The following GALNT14 variants were observed in gnomAD, a reference collection of about 807,000 sequenced individuals.
GALNT14 encodes polypeptide N-acetylgalactosaminyltransferase 14.
A neutral mutation model predicts 77.5 loss-of-function variants in GALNT14; 60 were observed. The ratio of observed to expected loss-of-function variants is 0.77; its 90% confidence interval spans 0.63 to 0.96. The LOEUF is 0.96. GALNT14 is among the 40% of genes least tolerant of loss of function. The pLI is 0.00. For synonymous variants in GALNT14, 280 were observed against 281.7 expected, an observed-to-expected ratio of 0.99 and a Z score of 0.06; for missense variants, 710 against 731.0, an observed-to-expected ratio of 0.97 and a Z score of 0.33.
At chr2:30,910,379 G>A (rs1664284619), downstream of GALNT14, 2 of 152,372 alleles carry the variant, frequency 1.3e-5, no homozygotes, top group Admixed American at 6.5e-5. Flanking sequence ...TGTCCACTCT[G>A]CCACAGGTGC....
At chr2:30,953,385 T>C (rs560475413) in intron 6 of GALNT14, among the ~76,000 whole-genome samples, 28 of 149,356 alleles carry the variant, frequency 1.9e-4, no homozygotes, top group African/African-American at 6.4e-4. Context: ...CTCGATTCAC[T>C]GCAACCACTG....
chr2:30,927,344 G>A (rs1239915542), intron 11 of GALNT14, among the ~76,000 whole-genome samples: 1 of 152,328 alleles, frequency 6.6e-6, no homozygotes, highest in Non-Finnish European at 1.5e-5. Context: ...TGGCACTCAA[G>A]CAGGCAGCAT....
intron 2 of GALNT14, among the ~76,000 whole-genome samples, chr2:30,977,795 C>T (rs1668727560): frequency 6.6e-6 from 1 of 152,160 alleles, no homozygotes; most frequent in Non-Finnish European, 1.5e-5. Context: ...CCCATACCTT[C>T]CTGCACCTTC....
chr2:30,955,290 C>T (rs1255922034), intron 6 of GALNT14, among the ~76,000 whole-genome samples: 1 of 152,190 alleles, frequency 6.6e-6, no homozygotes, highest in Non-Finnish European at 1.5e-5. Context: ...ATTCTGGAAC[C>T]TTCTGCTCTC....
At chr2:31,017,048 G>T (rs374555340) in intron 1 of GALNT14, among the ~76,000 whole-genome samples, 2 of 152,320 alleles carry the variant, frequency 1.3e-5, no homozygotes, top group East Asian at 3.9e-4. Flanking sequence ...TTAAGCAAGG[G>T]TCTCAAAGCT....
chr2:31,038,291 G>C (rs11682270), intron 1 of GALNT14, among the ~76,000 whole-genome samples: 2 of 150,936 alleles, frequency 1.3e-5, no homozygotes, highest in Non-Finnish European at 3.0e-5. Context: ...ACAGGGTTTC[G>C]CAATGTTGGC....
intron 1 of GALNT14, among the ~76,000 whole-genome samples, chr2:31,120,553 T>A (rs1462585149): frequency 6.6e-6 from 1 of 152,168 alleles, no homozygotes; most frequent in Non-Finnish European, 1.5e-5. Context: ...ATTAGTATCC[T>A]ACCATGAACA....
intron 1 of GALNT14, among the ~76,000 whole-genome samples, chr2:31,016,967 C>T (rs895928203): frequency 5.9e-5 from 9 of 152,256 alleles, no homozygotes; most frequent in South Asian, 2.1e-4. Context: ...CTGTGCTGGA[C>T]GAACCGTACA....
intron 2 of GALNT14, among the ~76,000 whole-genome samples, chr2:30,989,611 AATATATATTAGTATATATAAAAAT>A (rs1573104143): frequency 1.7e-5 from 2 of 119,358 alleles, no homozygotes; most frequent in Admixed American, 1.0e-4. Flanking sequence ...GATATATAAA[AATATATATTAGTATATATAAAAAT>A]ATATATATTA....
the GALNT14 span, among the ~76,000 whole-genome samples, chr2:30,899,925 G>A: frequency 6.6e-6 from 1 of 152,208 alleles, no homozygotes; most frequent in Non-Finnish European, 1.5e-5. Context: ...ACAGCTGCTA[G>A]GCTTTTCATA....
chr2:31,018,502 G>C (rs1027799923), intron 1 of GALNT14, among the ~76,000 whole-genome samples: 1 of 152,096 alleles, frequency 6.6e-6, no homozygotes, highest in African/African-American at 2.4e-5. Flanking sequence ...GATGTCATAA[G>C]AACTCACTGT....
chr2:31,134,707 C>A lies in GALNT14; in HGVS notation c.129+3251G>T, dbSNP rs565772135. ...CCCTTACACAAACCCCCTGGGAGCTCTCCAAGGGTGAGGATCTAGGGATGA... is the reference window on the plus strand; with the variant it reads ...CCCTTACACAAACCCCCTGGGAGCTATCCAAGGGTGAGGATCTAGGGATGA... On this transcript the variant is annotated intron_variant, in intron 1 of 14. Transcript: ENST00000349752. 4.6e-5 allele frequency among the ~76,000 whole-genome samples: 7 copies of A among 152,280 alleles called. No individual in the cohort carries two copies. In the East Asian group the frequency reaches 1.4e-3, roughly 30 times the overall value.
At chr2:30,929,612 T>C in intron 10 of GALNT14, 125 bp from the exon 11 acceptor site, 1 of 669,252 alleles carries the variant, frequency 1.5e-6, no homozygotes, top group Non-Finnish European at 2.7e-6. Context: ...GCCACCATGG[T>C]CAACCGACTA....
At chr2:31,125,298 G>T in intron 1 of GALNT14, 1 of 1,308,648 alleles carries the variant, frequency 7.6e-7, no homozygotes, top group Non-Finnish European at 1.1e-6. Flanking sequence ...CATTTCTTTG[G>T]CAATTAATAG....
chr2:30,938,384 ACTCTCTCT>A (rs1553339835), intron 9 of GALNT14, among the ~76,000 whole-genome samples: 3 of 141,692 alleles, frequency 2.1e-5, no homozygotes, highest in African/African-American at 7.9e-5. Flanking sequence ...ACACACACAC[ACTCTCTCT>A]CTCTCTCTCT....
At chr2:30,977,790 A>G (rs932709842) in intron 2 of GALNT14, among the ~76,000 whole-genome samples, 1 of 152,016 alleles carries the variant, frequency 6.6e-6, no homozygotes, top group African/African-American at 2.4e-5. Context: ...GGCTTCCCAT[A>G]CCTTCCTGCA....
chr2:31,113,633 T>A (rs2216828), intron 1 of GALNT14, among the ~76,000 whole-genome samples: 2,011 of 152,072 alleles, frequency 0.013, 38 homozygotes, highest in African/African-American at 0.046. Context: ...TCCTACAAGG[T>A]ATAGGAGCTG....
chr2:31,110,815 C>T (rs1336724232), intron 1 of GALNT14, among the ~76,000 whole-genome samples: 1 of 152,132 alleles, frequency 6.6e-6, no homozygotes, highest in African/African-American at 2.4e-5. Context: ...CACGTATTAT[C>T]AACTCTCACA....
At chr2:30,930,980 G>A (rs10153697) in intron 10 of GALNT14, among the ~76,000 whole-genome samples, 21,394 of 152,204 alleles carry the variant, frequency 0.14, 1,747 homozygotes, top group Non-Finnish European at 0.17. Context: ...TTTCCAGGCC[G>A]GCCCCCCTCC....
Sources: allele counts gnomAD v4.1 joint callset (sites outside exome capture counted in the v4.1 genomes callset), GRCh38; gene constraint gnomAD v4.1.1; transcripts MANE v1.5; gene names NCBI Gene and HGNC (gene_info 2026-07-23, HGNC 2026-07-21).